Variants in ESF1 observed in about 807,000 individuals in gnomAD.
ESF1 encodes the protein ESF1 nucleolar pre-rRNA processing protein, also known as ESF1 homolog.
A neutral mutation model predicts 92.0 loss-of-function variants in ESF1; 58 were observed. That is an observed-to-expected ratio of 0.63 (90% CI 0.51 to 0.78). ESF1 has a LOEUF of 0.78. ESF1 is among the 30% of genes least tolerant of loss of function. ESF1 has a pLI of 0.00. For synonymous variants in ESF1, 321 were observed against 313.7 expected (o/e 1.02, Z -0.24); for missense variants, 922 against 989.1 (o/e 0.93, Z 0.91).
Position 13,733,714 on chromosome 20 carries a change from A to G in ESF1, c.1950+7T>C, listed in dbSNP as rs745422695. ...AACAAACATTTGGTCATAATTATCA[A>G]TGATACCTTCTGTTTCCTTTTCAGT... On this transcript the variant is annotated splice_region_variant and intron_variant, in intron 10 of 13. Transcript: ENST00000617257. 14 of 1,609,404 alleles carry G rather than the reference A, an allele frequency of 8.7e-6. No individual in the cohort carries two copies. The Admixed American group carries it at 1.2e-4, about 14-fold the overall frequency.
intron 9 of ESF1, among the ~76,000 whole-genome samples, 193 bp from the exon 10 acceptor site, chr20:13,734,035 T>C (rs906500014): frequency 1.3e-5 from 2 of 152,176 alleles, no homozygotes; most frequent in Admixed American, 1.3e-4. Flanking sequence ...AGTTATTTCC[T>C]AATAACAAAC....
At chr20:13,716,608 C>T (rs2049826794) in intron 13 of ESF1, among the ~76,000 whole-genome samples, 1 of 151,610 alleles carries the variant, frequency 6.6e-6, no homozygotes, top group Admixed American at 6.6e-5. Context: ...TTGGCTCCAC[C>T]ATCAGTCTTT....
At chr20:13,777,984 G>C (rs1463496170) in intron 2 of ESF1, among the ~76,000 whole-genome samples, 1 of 152,230 alleles carries the variant, frequency 6.6e-6, no homozygotes, top group African/African-American at 2.4e-5. Context: ...AGGGAAAAGA[G>C]AGAAGATTTG....
intron 9 of ESF1, among the ~76,000 whole-genome samples, chr20:13,739,723 A>G (rs2147739153): frequency 1.4e-5 from 2 of 146,686 alleles, no homozygotes; most frequent in East Asian, 3.9e-4. Flanking sequence ...AGAAAGTTCA[A>G]AAAAAAAAAA....
At chr20:13,734,575 A>T (rs1783100806) in intron 9 of ESF1, among the ~76,000 whole-genome samples, 1 of 152,188 alleles carries the variant, frequency 6.6e-6, no homozygotes, top group Admixed American at 6.5e-5. Context: ...TGCAATAACT[A>T]GAGGGGGTAA....
At chr20:13,754,884 C>T (rs548091729) in intron 9 of ESF1, among the ~76,000 whole-genome samples, 88 of 152,348 alleles carry the variant, frequency 5.8e-4, no homozygotes, top group Admixed American at 5.6e-3. Context: ...CTGTCCTCCA[C>T]TGTAGTCATA....
At chr20:13,742,004 G>T (rs546079541) in intron 9 of ESF1, among the ~76,000 whole-genome samples, 2 of 152,264 alleles carry the variant, frequency 1.3e-5, no homozygotes, top group East Asian at 3.9e-4. Context: ...CAATCTCATT[G>T]GTGACAAGAG....
chr20:13,763,765 C>T lies in ESF1; in HGVS notation c.1666+3012G>A, dbSNP rs1049888359. On this transcript the variant is annotated intron_variant, in intron 8 of 13. Coordinates refer to ENST00000617257, the MANE Select transcript of ESF1 (RefSeq NM_001276380.2). The stretch of plus-strand genomic sequence containing the variant: ...ATTAACAAGCATCAGCCACTAAGGC[C>T]TTTAAAAAAATGTGAGGCCCTTTGC... Among the ~76,000 whole-genome samples, 15 of 152,300 alleles carry T rather than the reference C, an allele frequency of 9.8e-5. No homozygotes were observed. The East Asian group carries it at 2.9e-3, about 29-fold the overall frequency.
At chr20:13,733,526 G>C (rs868187160) in intron 10 of ESF1, among the ~76,000 whole-genome samples, 195 bp downstream of exon 10, 2 of 152,290 alleles carry the variant, frequency 1.3e-5, no homozygotes, top group Admixed American at 6.5e-5. Context: ...ACTGTGACCA[G>C]GCTTTGTACA....
intron 11 of ESF1, among the ~76,000 whole-genome samples, chr20:13,723,224 T>C (rs1008360686): frequency 3.3e-5 from 5 of 152,216 alleles, no homozygotes; most frequent in Admixed American, 3.3e-4. Flanking sequence ...GTCTCAGTAC[T>C]GACCAGATGG....
chr20:13,722,263 T>C (rs1041998127), intron 11 of ESF1, among the ~76,000 whole-genome samples: 1 of 152,062 alleles, frequency 6.6e-6, no homozygotes, highest in Non-Finnish European at 1.5e-5. Flanking sequence ...ATCCCCAAGA[T>C]AGGGCTAAAC....
At chr20:13,784,655 C>T in intron 1 of ESF1, among the ~76,000 whole-genome samples, 1 of 152,108 alleles carries the variant, frequency 6.6e-6, no homozygotes, top group Non-Finnish European at 1.5e-5. Context: ...TTTCCACCTC[C>T]TGTACCGCAG....
intron 11 of ESF1, among the ~76,000 whole-genome samples, chr20:13,724,383 A>G (rs1568709178): frequency 2.0e-5 from 3 of 152,244 alleles, no homozygotes; most frequent in Non-Finnish European, 2.9e-5. Context: ...AAGAGTACCT[A>G]CTACAGATCC....
At chr20:13,767,065 T>C (rs919075612) in intron 7 of ESF1, 141 bp from the exon 8 acceptor site, 14 of 731,650 alleles carry the variant, frequency 1.9e-5, no homozygotes, top group African/African-American at 3.5e-5. Flanking sequence ...ATGAATGATA[T>C]GATTAATAAA....
rs775981294 is a variant in ESF1 at position 13,782,951 on chromosome 20, T to G, written c.190A>C (p.Thr64Pro). ...TAAAAACGCTTCAAATCCTCTGTAG[T>G]GCTATGGCTAATGGGGCGCCCTCTT... ...DKRGRPISHSTTEDLKRFYDL... is the reference protein window; with the variant it reads ...DKRGRPISHSPTEDLKRFYDL... The change falls in exon 2 of 14, where the codon ACT becomes CCT. Residue 64 changes from threonine (T) to proline (P), a missense_variant. Coordinates refer to ENST00000617257, the MANE Select transcript of ESF1 (RefSeq NM_001276380.2). 5 of 1,614,218 alleles carry G rather than the reference T, an allele frequency of 3.1e-6. No homozygotes were observed. Among genetic ancestry groups the G allele is most frequent in the Non-Finnish European group, 4.2e-6 (5 of 1,180,032 alleles).
At chr20:13,715,717 A>T (rs1295367514) in intron 13 of ESF1, among the ~76,000 whole-genome samples, 1 of 152,180 alleles carries the variant, frequency 6.6e-6, no homozygotes, top group African/African-American at 2.4e-5. Flanking sequence ...CAAGCCCCAG[A>T]TTTATCTTCT....
chr20:13,718,787 AATT>A, intron 12 of ESF1, 118 bp downstream of exon 12: 1 of 549,362 alleles, frequency 1.8e-6, no homozygotes, highest in Non-Finnish European at 2.9e-6. Flanking sequence ...TGTCTCTTAC[AATT>A]TAGTTATAAA....
At chr20:13,729,424 A>C (rs1339766032) in intron 10 of ESF1, among the ~76,000 whole-genome samples, 1 of 152,226 alleles carries the variant, frequency 6.6e-6, no homozygotes, top group African/African-American at 2.4e-5. Flanking sequence ...CAAATACATA[A>C]ATAAAAATAA....
At position 13,714,886 on chromosome 20, in the gene ESF1, T is replaced by G; in HGVS notation, c.2544A>C (p.Gln848His). ...AAGTAACATCCAGTTATTTGACTTT[T>G]TGCTTTTTTCTTGCTTGAAACTGCT... ...KTEQFQARKK[Q>H]KVK Residue 848 changes from glutamine to histidine, a missense_variant, in exon 14 of 14, where the codon CAA (glutamine) becomes CAC (histidine). Physicochemically the swap from Gln to His is conservative, Grantham distance 24. Transcript: ENST00000617257. 6.3e-7 allele frequency: 1 copy of G among 1,596,292 alleles called. No homozygotes were observed. Among genetic ancestry groups the G allele is most frequent in the Non-Finnish European group, 8.5e-7 (1 of 1,173,378 alleles).
Sources: allele counts gnomAD v4.1 joint callset (sites outside exome capture counted in the v4.1 genomes callset), GRCh38; gene constraint gnomAD v4.1.1; transcripts MANE v1.5; gene names NCBI Gene and HGNC (gene_info 2026-07-23, HGNC 2026-07-21).